Variants in DPP6 observed in about 807,000 individuals in gnomAD.
The protein encoded by DPP6 is A-type potassium channel modulatory protein DPP6.
Under a neutral mutation model 122.6 loss-of-function variants are expected in DPP6, and 69 were observed. The observed-to-expected ratio is 0.56, with a 90% confidence interval of 0.46 to 0.69. DPP6 has a LOEUF of 0.69. DPP6 is among the 30% of genes least tolerant of loss of function. DPP6 has a pLI of 0.00. For synonymous variants in DPP6, 418 were observed against 433.1 expected (o/e 0.97, Z 0.43); for missense variants, 928 against 1,116.9 (o/e 0.83, Z 2.41).
the DPP6 span, among the ~76,000 whole-genome samples, chr7:153,769,472 A>G: frequency 6.6e-6 from 1 of 152,184 alleles, no homozygotes; most frequent in African/African-American, 2.4e-5. Context: ...ATTTACTAAC[A>G]TAGGGAAGAA....
intron 1 of DPP6, among the ~76,000 whole-genome samples, chr7:154,089,939 A>G (rs944368785): frequency 2.4e-4 from 36 of 152,266 alleles, no homozygotes; most frequent in Non-Finnish European, 4.7e-4. Context: ...CAATGCTGGC[A>G]TAGGGTTCAA....
chr7:154,666,169 A>C (rs1254863410), intron 6 of DPP6, among the ~76,000 whole-genome samples: 1 of 134,686 alleles, frequency 7.4e-6, no homozygotes, highest in Non-Finnish European at 1.6e-5. Flanking sequence ...TACTATATAC[A>C]TACATATATG....
chr7:154,724,102 C>CTGGAT (rs1167467307), intron 7 of DPP6, among the ~76,000 whole-genome samples: 3 of 152,120 alleles, frequency 2.0e-5, no homozygotes, highest in African/African-American at 7.2e-5. Context: ...ATGCTGATGC[C>CTGGAT]TGGATTCCAT....
chr7:153,990,942 G>A (rs1485682862), intron 1 of DPP6, among the ~76,000 whole-genome samples: 5 of 152,192 alleles, frequency 3.3e-5, no homozygotes. Context: ...AACGGTCAAG[G>A]TTGTTTCTGG....
At chr7:154,619,047 T>C (rs899515520) in intron 5 of DPP6, among the ~76,000 whole-genome samples, 1 of 152,174 alleles carries the variant, frequency 6.6e-6, no homozygotes, top group South Asian at 2.1e-4. Flanking sequence ...CCACACATTC[T>C]CCTGCCTGCT....
chr7:154,169,417 C>T (rs568634443), intron 1 of DPP6, among the ~76,000 whole-genome samples: 26 of 152,264 alleles, frequency 1.7e-4, no homozygotes, highest in Admixed American at 2.6e-4. Context: ...CATGAGATGG[C>T]AGCAGGCATC....
At chr7:153,805,099 TG>T in the DPP6 span, among the ~76,000 whole-genome samples, 1 of 152,156 alleles carries the variant, frequency 6.6e-6, no homozygotes, top group Non-Finnish European at 1.5e-5. Context: ...AATTGATATG[TG>T]GCAAAAATCA....
At chr7:154,376,816 G>C (rs1329054661) in intron 1 of DPP6, among the ~76,000 whole-genome samples, 1 of 152,170 alleles carries the variant, frequency 6.6e-6, no homozygotes, top group East Asian at 1.9e-4. Flanking sequence ...CTCTGTATTA[G>C]TATGAGGTAA....
chr7:154,067,589 A>G (rs888193850), intron 1 of DPP6, among the ~76,000 whole-genome samples: 14 of 152,148 alleles, frequency 9.2e-5, no homozygotes, highest in African/African-American at 3.1e-4. Flanking sequence ...GGGCTTTTGC[A>G]TGGGGCTCAG....
chr7:153,967,027 A>G (rs1282785682), intron 1 of DPP6, among the ~76,000 whole-genome samples: 2 of 150,272 alleles, frequency 1.3e-5, no homozygotes, highest in East Asian at 3.9e-4. Context: ...TGATGGTGCC[A>G]CAGCACTCCG....
chr7:153,862,123 G>T, the DPP6 span, among the ~76,000 whole-genome samples: 1 of 152,188 alleles, frequency 6.6e-6, no homozygotes, highest in African/African-American at 2.4e-5. Flanking sequence ...GCTCCATTTG[G>T]ACTTCAGAAA....
intron 2 of DPP6, among the ~76,000 whole-genome samples, chr7:154,473,325 C>T (rs1000318266): frequency 3.9e-5 from 6 of 152,110 alleles, no homozygotes; most frequent in African/African-American, 7.2e-5. Context: ...GCTCCTAGAG[C>T]GAAGAAAGAA....
the DPP6 span, among the ~76,000 whole-genome samples, chr7:153,832,872 G>A: frequency 2.6e-5 from 4 of 152,162 alleles, no homozygotes; most frequent in Admixed American, 2.6e-4. Context: ...CAAGACTCAT[G>A]TCGTGTTGGG....
intron 1 of DPP6, among the ~76,000 whole-genome samples, chr7:154,379,056 G>T (rs1813368203): frequency 6.6e-6 from 1 of 152,090 alleles, no homozygotes; most frequent in South Asian, 2.1e-4. Context: ...CCTCTCAAAG[G>T]CTCCACCTCC....
At chr7:154,288,779 TA>T (rs796623298) in intron 1 of DPP6, among the ~76,000 whole-genome samples, 3 of 151,314 alleles carry the variant, frequency 2.0e-5, no homozygotes, top group Middle Eastern at 3.4e-3. Flanking sequence ...GATATGCTGG[TA>T]AAAAAAAACA....
intron 7 of DPP6, among the ~76,000 whole-genome samples, chr7:154,692,845 A>G (rs1268576851): frequency 6.7e-6 from 1 of 149,590 alleles, no homozygotes; most frequent in African/African-American, 2.5e-5. Flanking sequence ...GCAGTGGCAC[A>G]GTCATAGCTC....
At chr7:154,086,109 A>T (rs1804398614) in intron 1 of DPP6, among the ~76,000 whole-genome samples, 1 of 152,164 alleles carries the variant, frequency 6.6e-6, no homozygotes, top group Non-Finnish European at 1.5e-5. Context: ...TTATTTAGAG[A>T]TAGAGACATA....
intron 1 of DPP6, among the ~76,000 whole-genome samples, chr7:154,088,449 A>G (rs1379458076): frequency 6.8e-6 from 1 of 147,682 alleles, no homozygotes; most frequent in Non-Finnish European, 1.5e-5. Context: ...GACTTGCGGG[A>G]GCCCCGTTCC....
intron 1 of DPP6, among the ~76,000 whole-genome samples, chr7:154,413,898 A>G (rs1816813098): frequency 6.6e-6 from 1 of 152,242 alleles, no homozygotes; most frequent in African/African-American, 2.4e-5. Flanking sequence ...GATTATTTTA[A>G]CAATCACAAA....
Sources: gnomAD v4.1 joint callset for allele counts (sites outside exome capture counted in the v4.1 genomes callset) on GRCh38, gnomAD v4.1.1 for gene constraint, MANE v1.5 for transcripts, NCBI Gene and HGNC (gene_info 2026-07-23, HGNC 2026-07-21) for gene names.